The following AVEN variants were observed in gnomAD, a reference collection of about 807,000 sequenced individuals.
The protein encoded by AVEN is cell death regulator Aven.
In AVEN, 41 loss-of-function variants were observed where a neutral mutation model predicts 38.1. The observed-to-expected ratio is 1.08, with a 90% confidence interval of 0.84 to 1.40. The LOEUF (loss-of-function observed/expected upper bound fraction) is 1.40, where lower values mean the gene tolerates loss of function less well. Among genes scored for constraint, AVEN ranks in the 40% most tolerant of loss-of-function variants. The pLI is 0.00. For synonymous variants in AVEN, 206 were observed against 171.8 expected (o/e 1.20, Z -1.56); for missense variants, 605 against 438.8 (o/e 1.38, Z -3.38).
intron 2 of AVEN, among the ~76,000 whole-genome samples, chr15:33,877,981 T>C (rs988525615): frequency 3.3e-5 from 5 of 151,586 alleles, no homozygotes; most frequent in African/African-American, 1.2e-4. Flanking sequence ...TAAAACAAAA[T>C]GGAAGAAAAT....
intron 2 of AVEN, among the ~76,000 whole-genome samples, chr15:33,980,580 A>T (rs1459240536): frequency 2.0e-5 from 3 of 151,802 alleles, no homozygotes; most frequent in Non-Finnish European, 4.4e-5. Flanking sequence ...AAAGGCATCA[A>T]TGAGTATATT....
intron 11 of AVEN, chr15:33,861,169 C>G (rs1189883948): frequency 1.9e-6 from 3 of 1,586,394 alleles, no homozygotes; most frequent in African/African-American, 1.3e-5. Context: ...CACAACTTAG[C>G]CAACTACTTG....
chr15:33,934,204 T>A (rs577500597), intron 2 of AVEN, among the ~76,000 whole-genome samples: 1 of 110,892 alleles, frequency 9.0e-6, no homozygotes, highest in Non-Finnish European at 2.1e-5. Context: ...CAAGACCCCA[T>A]CTCTACAAAA....
chr15:34,067,374 G>A (rs1210347989), intron 2 of AVEN: 2 of 152,162 alleles, frequency 1.3e-5, no homozygotes, highest in African/African-American at 2.4e-5. Context: ...TGTAAATACT[G>A]GAATTACAGC....
At chr15:33,933,524 C>CACACACACACACACAGAGAGAG (rs1893945145) in intron 2 of AVEN, among the ~76,000 whole-genome samples, 13 of 46,646 alleles carry the variant, frequency 2.8e-4, no homozygotes, top group South Asian at 2.3e-3. Context: ...CACACACACA[C>CACACACACACACACAGAGAGAG]AGAGAGAGAG....
chr15:33,887,632 G>C (rs965784157), intron 2 of AVEN, among the ~76,000 whole-genome samples: 2 of 151,944 alleles, frequency 1.3e-5, no homozygotes, highest in African/African-American at 2.4e-5. Context: ...CTTATTCTCA[G>C]ACAGACTCTG....
intron 2 of AVEN, among the ~76,000 whole-genome samples, chr15:33,965,848 C>G (rs1895362147): frequency 6.6e-6 from 1 of 152,060 alleles, no homozygotes; most frequent in Admixed American, 6.5e-5. Flanking sequence ...GATCTCTGAA[C>G]AATACAGTTC....
At chr15:33,874,266 T>C (rs1444467152) in intron 3 of AVEN, among the ~76,000 whole-genome samples, 2 of 152,112 alleles carry the variant, frequency 1.3e-5, no homozygotes, top group African/African-American at 2.4e-5. Flanking sequence ...GGTGAAGCAA[T>C]AGAGAAGGAA....
At chr15:33,862,432 C>G (rs115522194), downstream of AVEN, among the ~76,000 whole-genome samples, 2,940 of 152,192 alleles carry the variant, frequency 0.019, 84 homozygotes, top group South Asian at 0.12. Flanking sequence ...ATCTCGAACT[C>G]CTGAGCTCAA....
Position 33,986,525 on chromosome 15 carries a change from TAAAG to T in AVEN, c.445+16503_445+16506del, listed in dbSNP as rs1896477931. The stretch of plus-strand genomic sequence containing the variant: ...ATCTACTTAGCTAGAAAGTAAGAGG[TAAAG>T]AAAGCAAGCTTTCTGAAACTTAATG... On this transcript the variant is annotated intron_variant, in intron 2 of 5. Coordinates refer to ENST00000306730, the MANE Select transcript of AVEN (RefSeq NM_020371.3). 2.0e-5 allele frequency among the ~76,000 whole-genome samples: 3 copies of T among 152,130 alleles called. No individual in the cohort carries two copies. In the South Asian group the frequency reaches 6.2e-4, roughly 32 times the overall value.
intron 2 of AVEN, among the ~76,000 whole-genome samples, chr15:33,916,788 T>C (rs11072814): frequency 0.07 from 10,590 of 151,580 alleles, 587 homozygotes; most frequent in African/African-American, 0.15. Context: ...CATGCTGCTA[T>C]AAAAAACTGG....
chr15:34,057,164 T>G (rs1900188130), intron 5 of AVEN, among the ~76,000 whole-genome samples: 1 of 150,910 alleles, frequency 6.6e-6, no homozygotes, highest in Non-Finnish European at 1.5e-5. Context: ...AGGTGGAGTC[T>G]TGCTGTGTCA....
chr15:33,949,507 AT>A (rs749738910), intron 2 of AVEN, among the ~76,000 whole-genome samples: 7 of 152,212 alleles, frequency 4.6e-5, no homozygotes, highest in Non-Finnish European at 8.8e-5. Flanking sequence ...TATCAAGTAT[AT>A]TCCATAAATA....
At chr15:34,074,886 T>C (rs767431396) in exon 1 of AVEN, among the ~76,000 whole-genome samples, 37 of 152,066 alleles carry the variant, frequency 2.4e-4, no homozygotes, top group Middle Eastern at 3.4e-3. Flanking sequence ...TAGTATTGAA[T>C]GGAAAGGATT....
chr15:33,945,883 C>T (rs1033424049), intron 2 of AVEN, among the ~76,000 whole-genome samples: 2 of 152,142 alleles, frequency 1.3e-5, no homozygotes, highest in East Asian at 3.9e-4. Flanking sequence ...CCTCCCCTGG[C>T]CCGAAAATGT....
chr15:33,916,461 C>T (rs2879440), intron 2 of AVEN, among the ~76,000 whole-genome samples: 75,384 of 151,880 alleles, frequency 0.5, 20,139 homozygotes, highest in East Asian at 0.6. Flanking sequence ...GACTAATAAC[C>T]GGAATTTACA....
At chr15:34,074,787 G>T (rs1900698257) in exon 1 of AVEN, among the ~76,000 whole-genome samples, 1 of 152,100 alleles carries the variant, frequency 6.6e-6, no homozygotes, top group South Asian at 2.1e-4. Context: ...TCTGTTTGTT[G>T]GGGGGACACA....
intron 2 of AVEN, among the ~76,000 whole-genome samples, chr15:33,974,172 A>T (rs1460585095): frequency 6.6e-6 from 1 of 152,190 alleles, no homozygotes; most frequent in Non-Finnish European, 1.5e-5. Flanking sequence ...ATCCAAAAGG[A>T]TCTAAATTGG....
intron 2 of AVEN, among the ~76,000 whole-genome samples, chr15:33,935,585 G>A (rs1894029098): frequency 6.6e-6 from 1 of 151,902 alleles, no homozygotes; most frequent in African/African-American, 2.4e-5. Context: ...TTCTATAAAG[G>A]TTATATATGT....
Sources: gnomAD v4.1 joint callset for allele counts (sites outside exome capture counted in the v4.1 genomes callset) on GRCh38, gnomAD v4.1.1 for gene constraint, MANE v1.5 for transcripts, NCBI Gene and HGNC (gene_info 2026-07-23, HGNC 2026-07-21) for gene names.